The following ZNF770 variants were observed in gnomAD, a reference collection of about 807,000 sequenced individuals.
ZNF770 encodes the protein zinc finger protein 770.
A neutral mutation model predicts 44.8 loss-of-function variants in ZNF770; 13 were observed. The observed-to-expected ratio is 0.29, with a 90% confidence interval of 0.19 to 0.46. The LOEUF is 0.46. Ranked by LOEUF, ZNF770 falls within the 20% of genes least tolerant of loss-of-function variation. ZNF770 has a pLI of 1.00. For synonymous variants in ZNF770, 304 were observed against 271.8 expected, an observed-to-expected ratio of 1.12 and a Z score of -1.17; for missense variants, 681 against 797.9, an observed-to-expected ratio of 0.85 and a Z score of 1.77.
chr15:34,981,633 A>G lies in ZNF770; in HGVS notation c.1802T>C (p.Leu601Pro), dbSNP rs1232448658. Reference sequence around the variant, plus strand: ...AGGATTGCTTTGCTCTGATTCCAAAAGTACATTAGGAAGACAGGGTTGCCC... The same window carrying G: ...AGGATTGCTTTGCTCTGATTCCAAAGGTACATTAGGAAGACAGGGTTGCCC... ...STGQPCLPNV[L>P]LESEQSNPFC... is the part of the protein sequence containing the mutation. The change falls in exon 3 of 3, where the codon CTT becomes CCT. Residue 601 changes from leucine to proline, a missense_variant. Transcript: ENST00000356321. The G allele has an allele frequency of 1.2e-6, 2 of 1,614,186 alleles. No individual in the cohort carries two copies. The highest frequency in any genetic ancestry group is 1.7e-5 in the Admixed American group (1 of 60,026).
Position 34,982,965 on chromosome 15 carries a change from TTTC to T in ZNF770, c.467_469del (p.Arg156del), listed in dbSNP as rs1276000427. The T allele has an allele frequency of 4.3e-6, 7 of 1,614,082 alleles. No individual in the cohort carries two copies. The highest frequency in any genetic ancestry group is 5.9e-6 in the Non-Finnish European group (7 of 1,179,994). On this transcript the variant is annotated inframe_deletion, in exon 3 of 3. Transcript: ENST00000356321. ...ACAGATTGTACATGCATGAATATTC[TTTC>T]TTCTTTTCATGCTATACATGGGATC...
intron 2 of ZNF770, 103 bp downstream of exon 2, chr15:34,987,454 T>A (rs2050442443): frequency 1.3e-5 from 2 of 152,200 alleles, no homozygotes; most frequent in Non-Finnish European, 2.9e-5. Context: ...TATCTTAAAC[T>A]GAAATAAAAG....
chr15:34,983,664 A>C (rs965005724), intron 2 of ZNF770, among the ~76,000 whole-genome samples, 174 bp from the exon 3 acceptor site: 1 of 152,216 alleles, frequency 6.6e-6, no homozygotes, highest in African/African-American at 2.4e-5. Context: ...AATTTTATAC[A>C]TACAGAGATA....
chr15:34,983,505 A>T lies in ZNF770; in HGVS notation c.-56-15T>A, dbSNP rs2050416276. 1 of 1,235,194 alleles carries T rather than the reference A, an allele frequency of 8.1e-7. No individual in the cohort carries two copies. Among genetic ancestry groups the T allele is most frequent in the African/African-American group, 1.6e-5 (1 of 63,360 alleles). 76.5% of individuals were successfully genotyped at this position (1,235,194 alleles called of 1,614,324 possible). A position where few individuals can be genotyped will look rare whatever the true frequency, so the allele number is the denominator to read the frequency against. On this transcript the variant is annotated splice_polypyrimidine_tract_variant and intron_variant, in intron 2 of 2. Transcript: ENST00000356321. Reference sequence around the variant, plus strand: ...TCCACAGATGTCTAAAAATTAAAGGAAAAAAAGTATTAATTTTAAAATTAT... The same window carrying T: ...TCCACAGATGTCTAAAAATTAAAGGTAAAAAAGTATTAATTTTAAAATTAT...
intron 2 of ZNF770, among the ~76,000 whole-genome samples, chr15:34,984,724 G>A (rs1191698366): frequency 3.3e-5 from 5 of 151,940 alleles, no homozygotes; most frequent in Admixed American, 2.0e-4. Context: ...TAATAAGATC[G>A]ACAAATTGGT....
chr15:34,982,461 C>A lies in ZNF770; in HGVS notation c.974G>T (p.Arg325Met), dbSNP rs1379439400. The A allele has an allele frequency of 6.2e-7, 1 of 1,613,986 alleles. No homozygotes were observed. Residue 325 changes from arginine to methionine, a missense_variant, in exon 3 of 3, where the codon AGG (arginine) becomes ATG (methionine). This residue lies in a region of ZNF770 where 432 missense variants were observed against 434.1 expected (regional missense o/e 1.00). Coordinates refer to ENST00000356321, the MANE Select transcript of ZNF770 (RefSeq NM_014106.4). ...TTTATAGTTGTAGCTTCTTTTGAAC[C>A]TGCTTGGAATTTTGCCACTTCTAGC... ...FAARSGKIPS[R>M]FKRSYNYKTI...
At position 34,981,479 on chromosome 15, in the gene ZNF770, T is replaced by C; in HGVS notation, c.1956A>G (p.Pro652=). Residue 652 remains proline (P), a synonymous_variant, in exon 3 of 3, where the codon CCA becomes CCG. Coordinates refer to ENST00000356321, the MANE Select transcript of ZNF770 (RefSeq NM_014106.4). ...TTTTGCCACAAACTGAGCATTCAAA[T>C]GGTTTCTGCCCTGCATGAATTAGGT... ...RHYLIHAGQK[P]FECSVCGKTF... The C allele has an allele frequency of 6.2e-7, 1 of 1,614,232 alleles. No individual in the cohort carries two copies. The highest frequency in any genetic ancestry group is 2.2e-5 in the East Asian group (1 of 44,886).
In ZNF770 at chr15:34,979,838, G is replaced by C. The variant is rs1478814673; in HGVS notation, c.*1521C>G. 9.8e-6 allele frequency: 3 copies of C among 305,082 alleles called. No homozygotes were observed. The highest frequency in any genetic ancestry group is 4.6e-5 in the African/African-American group (2 of 43,866). The allele number at this position is 305,082 out of a possible 1,614,324, so 18.9% of individuals were successfully genotyped here. A position where few individuals can be genotyped will look rare whatever the true frequency, so the allele number is the denominator to read the frequency against. ...ACGGTTCATTCCTTTTATTGCTAGA[G>C]AATGTCATTCCTGAAGATTTTATAA... On this transcript the variant is annotated 3_prime_UTR_variant, in exon 3 of 3. Coordinates refer to ENST00000356321, the MANE Select transcript of ZNF770 (RefSeq NM_014106.4).
In ZNF770 at chr15:34,978,876, G is replaced by A. The variant is rs1327401225; in HGVS notation, c.*2483C>T. 1 of 152,028 alleles carries A rather than the reference G, an allele frequency of 6.6e-6. No individual in the cohort carries two copies. Among genetic ancestry groups the A allele is most frequent in the Non-Finnish European group, 1.5e-5 (1 of 68,006 alleles). The allele number at this position is 152,028 out of a possible 1,614,324, so 9.4% of individuals were successfully genotyped here. On this transcript the variant is annotated 3_prime_UTR_variant, in exon 3 of 3. Coordinates refer to ENST00000356321, the MANE Select transcript of ZNF770 (RefSeq NM_014106.4). ...ATTTGTATATAACCAACGCACATCC[G>A]CCTGTATACTTTATCCCTAGACTAA...
At position 34,982,589 on chromosome 15, in the gene ZNF770, A is replaced by G; in HGVS notation, c.846T>C (p.Asn282=). 1 of 1,613,700 alleles carries G rather than the reference A, an allele frequency of 6.2e-7. No individual in the cohort carries two copies. Among genetic ancestry groups the G allele is most frequent in the South Asian group, 1.1e-5 (1 of 91,060 alleles). ...TATAAATTGAGTGGACATCAAGTGGATTATTCTCCTCAGATTCACCAATCT... is the reference window on the plus strand; with the variant it reads ...TATAAATTGAGTGGACATCAAGTGGGTTATTCTCCTCAGATTCACCAATCT... ...NGEIGESEEN[N]PLDVHSIYIV... Residue 282 remains asparagine (N), a synonymous_variant, in exon 3 of 3, where the codon AAT becomes AAC. Coordinates refer to ENST00000356321, the MANE Select transcript of ZNF770 (RefSeq NM_014106.4).
Position 34,982,942 on chromosome 15 carries a change from A to G in ZNF770, c.493T>C (p.Cys165Arg), listed in dbSNP as rs1400682486. 1 of 1,614,112 alleles carries G rather than the reference A, an allele frequency of 6.2e-7. No individual in the cohort carries two copies. The highest frequency in any genetic ancestry group is 1.3e-5 in the African/African-American group (1 of 75,064). Residue 165 changes from cysteine (C) to arginine (R), a missense_variant, in exon 3 of 3, where the codon TGT becomes CGT. This residue lies in a region of ZNF770 where 432 missense variants were observed against 434.1 expected (regional missense o/e 1.00). Transcript: ENST00000356321. ...GACTGTGATGGAAACATCTTGCCAC[A>G]GATTGTACATGCATGAATATTCTTT... ...RRKNIHACTI[C>R]GKMFPSQSKL...
chr15:34,981,041 T>TA lies in ZNF770; in HGVS notation c.*317dup, dbSNP rs998232116. ...GGCATGTCTTAAGGAATAATTCCTTTAAAAAATGAATGAGGCTAAATTATT... is the reference window on the plus strand; with the variant it reads ...GGCATGTCTTAAGGAATAATTCCTTTAAAAAAATGAATGAGGCTAAATTATT... On this transcript the variant is annotated 3_prime_UTR_variant, in exon 3 of 3. Coordinates refer to ENST00000356321, the MANE Select transcript of ZNF770 (RefSeq NM_014106.4). 1.6e-5 allele frequency: 4 copies of TA among 248,748 alleles called. No individual in the cohort carries two copies. The highest frequency in any genetic ancestry group is 4.6e-5 in the African/African-American group (2 of 43,930). The allele number at this position is 248,748 out of a possible 1,614,324, so 15.4% of individuals were successfully genotyped here.
chr15:34,981,503 G>A lies in ZNF770; in HGVS notation c.1932C>T (p.Tyr644=). The change falls in exon 3 of 3, where the codon TAC becomes TAT. Residue 644 remains tyrosine, a synonymous_variant. Transcript: ENST00000356321. The stretch of plus-strand genomic sequence containing the variant: ...ATGGTTTCTGCCCTGCATGAATTAG[G>A]TAGTGTCTTTCCAGTTTAGATGGAG... The part of the protein sequence containing the change: ...FRSPSKLERH[Y]LIHAGQKPFE... 1.2e-6 allele frequency: 2 copies of A among 1,614,226 alleles called. No individual in the cohort carries two copies. Among genetic ancestry groups the A allele is most frequent in the Admixed American group, 1.7e-5 (1 of 60,026 alleles).
chr15:34,987,283 A>C (rs1346722439), intron 2 of ZNF770, among the ~76,000 whole-genome samples: 1 of 152,208 alleles, frequency 6.6e-6, no homozygotes, highest in Non-Finnish European at 1.5e-5. Context: ...ACTTACTGGG[A>C]GCCCTAGATT....
At chr15:34,985,591 T>C (rs1430184003) in intron 2 of ZNF770, among the ~76,000 whole-genome samples, 1 of 152,180 alleles carries the variant, frequency 6.6e-6, no homozygotes, top group East Asian at 1.9e-4. Context: ...GATCAGCACT[T>C]TGTTATTTAA....
At chr15:34,986,980 T>C (rs552865207) in intron 2 of ZNF770, among the ~76,000 whole-genome samples, 87 of 152,372 alleles carry the variant, frequency 5.7e-4, no homozygotes, top group African/African-American at 1.6e-3. Context: ...AGCTTGGCCC[T>C]TGAGGCCAGT....
At chr15:34,986,737 C>A (rs2050437223) in intron 2 of ZNF770, among the ~76,000 whole-genome samples, 1 of 152,182 alleles carries the variant, frequency 6.6e-6, no homozygotes, top group Non-Finnish European at 1.5e-5. Flanking sequence ...TATGGAACTT[C>A]AGAATAGGAA....
Position 34,982,592 on chromosome 15 carries a change from A to G in ZNF770, c.843T>C (p.Asn281=), listed in dbSNP as rs764987009. ...ENGEIGESEE[N]NPLDVHSIYI... ...AAATTGAGTGGACATCAAGTGGATT[A>G]TTCTCCTCAGATTCACCAATCTCAC... Residue 281 remains asparagine (N), a synonymous_variant, in exon 3 of 3, where the codon AAT becomes AAC. Coordinates refer to ENST00000356321, the MANE Select transcript of ZNF770 (RefSeq NM_014106.4). The G allele has an allele frequency of 6.2e-7, 1 of 1,613,662 alleles. No individual in the cohort carries two copies. The highest frequency in any genetic ancestry group is 8.5e-7 in the Non-Finnish European group (1 of 1,179,992).
chr15:34,984,321 G>A (rs565270531), intron 2 of ZNF770, among the ~76,000 whole-genome samples: 119 of 152,132 alleles, frequency 7.8e-4, no homozygotes, highest in Middle Eastern at 3.4e-3. Flanking sequence ...ATTTTTAAGC[G>A]TTTCTCAATA....
Sources: allele counts gnomAD v4.1 joint callset (sites outside exome capture counted in the v4.1 genomes callset), GRCh38; gene constraint gnomAD v4.1.1; regional missense constraint gnomAD v4.1.1; transcripts MANE v1.5; gene names NCBI Gene and HGNC (gene_info 2026-07-23, HGNC 2026-07-21).